The following C10orf90 variants were observed in gnomAD, a reference collection of about 807,000 sequenced individuals.
C10orf90 encodes (E2-independent) E3 ubiquitin-conjugating enzyme FATS.
C10orf90 carries 56 observed loss-of-function variants against 62.5 expected under a neutral mutation model. That is an observed-to-expected ratio of 0.90 (90% confidence interval 0.72 to 1.12). The LOEUF is 1.12. Ranked by LOEUF, C10orf90 falls within the 50% of genes most tolerant of loss-of-function variation. C10orf90 has a pLI of 0.00. For synonymous variants in C10orf90, 386 were observed against 340.4 expected (o/e 1.13, Z -1.47); for missense variants, 970 against 880.4 (o/e 1.10, Z -1.29).
intron 2 of C10orf90, among the ~76,000 whole-genome samples, chr10:126,574,537 C>T (rs1844572109): frequency 6.6e-6 from 1 of 151,752 alleles, no homozygotes; most frequent in African/African-American, 2.4e-5. Flanking sequence ...CAAATCAAAG[C>T]AAGTAATATG....
intron 2 of C10orf90, among the ~76,000 whole-genome samples, chr10:126,563,782 A>G (rs1425108814): frequency 6.6e-6 from 1 of 152,224 alleles, no homozygotes; most frequent in Non-Finnish European, 1.5e-5. Context: ...TGGCGGCGGC[A>G]GCTGATGGAC....
chr10:126,598,532 G>A (rs1004482953), intron 2 of C10orf90, among the ~76,000 whole-genome samples: 2 of 152,138 alleles, frequency 1.3e-5, no homozygotes, highest in African/African-American at 4.8e-5. Flanking sequence ...TATGATTTAA[G>A]CATCCATAAC....
At chr10:126,542,853 C>T (rs897645516) in intron 2 of C10orf90, among the ~76,000 whole-genome samples, 6 of 152,240 alleles carry the variant, frequency 3.9e-5, no homozygotes, top group Non-Finnish European at 8.8e-5. Context: ...ATACACATAC[C>T]TTGTGATTCA....
rs113842765 is a variant in C10orf90, at chr10:126,447,889, C to T, written c.2188+11151G>A. Among the ~76,000 whole-genome samples the T allele has an allele frequency of 2.5e-3, 385 of 151,878 alleles. 1 individual carries two copies. Among genetic ancestry groups the T allele is most frequent in the African/African-American group, 9.0e-3 (372 of 41,406 alleles). The stretch of plus-strand genomic sequence containing the variant: ...TTGAGACAGAGTCTTGCTCTGTTTC[C>T]GGGTTGGAGTGGAGTGCAGTGGTGC... On this transcript the variant is annotated intron_variant, in intron 7 of 9. Transcript: ENST00000488181.
rs539226716 is a variant in C10orf90 at position 126,605,235 on chromosome 10, T to C, written c.313+41330A>G. 2.6e-5 allele frequency among the ~76,000 whole-genome samples: 4 copies of C among 152,278 alleles called. No homozygotes were observed. The South Asian group carries it at 6.2e-4, about 24-fold the overall frequency. ...GACCGTAAATGCCCTCAGAGGGGCGTGTGCTTTGGTGCGCCAAGCCAAAGG... is the reference window on the plus strand; with the variant it reads ...GACCGTAAATGCCCTCAGAGGGGCGCGTGCTTTGGTGCGCCAAGCCAAAGG... On this transcript the variant is annotated intron_variant, in intron 2 of 9. Transcript: ENST00000488181.
At chr10:126,440,023 G>A (rs1227833975) in intron 7 of C10orf90, among the ~76,000 whole-genome samples, 1 of 152,206 alleles carries the variant, frequency 6.6e-6, no homozygotes, top group East Asian at 1.9e-4. Flanking sequence ...GCTGAACTTT[G>A]TAACAATTTG....
At chr10:126,663,274 G>T (rs1846554329) in intron 1 of C10orf90, among the ~76,000 whole-genome samples, 1 of 152,042 alleles carries the variant, frequency 6.6e-6, no homozygotes, top group Non-Finnish European at 1.5e-5. Context: ...TGGTGTAGTT[G>T]ACTTTCTCTG....
intron 2 of C10orf90, among the ~76,000 whole-genome samples, chr10:126,515,361 C>CA (rs1863382217): frequency 6.6e-6 from 1 of 152,200 alleles, no homozygotes; most frequent in Non-Finnish European, 1.5e-5. Context: ...TCCAGTCCGG[C>CA]AAGCTCCATT....
At chr10:126,640,634 G>T (rs1846041136) in intron 2 of C10orf90, among the ~76,000 whole-genome samples, 1 of 152,314 alleles carries the variant, frequency 6.6e-6, no homozygotes, top group African/African-American at 2.4e-5. Context: ...CCTGGGGTGG[G>T]GTGGGGCAGG....
intron 2 of C10orf90, among the ~76,000 whole-genome samples, chr10:126,645,783 G>A (rs544068030): frequency 9.2e-5 from 14 of 152,156 alleles, no homozygotes; most frequent in Admixed American, 2.6e-4. Context: ...CTATGTGTGC[G>A]TACATGTATA....
chr10:126,540,538 C>T (rs908237464), intron 2 of C10orf90, among the ~76,000 whole-genome samples: 3 of 151,984 alleles, frequency 2.0e-5, no homozygotes, highest in African/African-American at 4.8e-5. Flanking sequence ...ACGTGCCTAC[C>T]GTCCCAGCTA....
intron 2 of C10orf90, among the ~76,000 whole-genome samples, chr10:126,580,685 C>T (rs541445203): frequency 1.1e-4 from 16 of 148,844 alleles, no homozygotes; most frequent in African/African-American, 3.7e-4. Flanking sequence ...AGACAAGATG[C>T]TTATCCTCTC....
chr10:126,572,599 G>A (rs1844529486), intron 2 of C10orf90, among the ~76,000 whole-genome samples: 2 of 152,032 alleles, frequency 1.3e-5, no homozygotes, highest in Non-Finnish European at 2.9e-5. Context: ...GACAACCAGA[G>A]GTCACTCTCC....
intron 7 of C10orf90, among the ~76,000 whole-genome samples, chr10:126,455,870 T>C (rs1174803318): frequency 6.6e-6 from 1 of 152,190 alleles, no homozygotes; most frequent in Admixed American, 6.5e-5. Flanking sequence ...TACCATGAAG[T>C]ACAGCGGGTC....
At chr10:126,510,653 A>G (rs1863051535) in intron 3 of C10orf90, among the ~76,000 whole-genome samples, 1 of 152,108 alleles carries the variant, frequency 6.6e-6, no homozygotes, top group Non-Finnish European at 1.5e-5. Flanking sequence ...CACATAACAC[A>G]TTTTTTTACA....
intron 2 of C10orf90, among the ~76,000 whole-genome samples, chr10:126,612,707 C>T (rs1348828634): frequency 1.3e-5 from 2 of 152,180 alleles, no homozygotes; most frequent in African/African-American, 2.4e-5. Context: ...TTCCACTCCT[C>T]GGGGTTCAAC....
At chr10:126,556,441 T>C (rs1387074103) in intron 2 of C10orf90, among the ~76,000 whole-genome samples, 2 of 152,198 alleles carry the variant, frequency 1.3e-5, no homozygotes, top group Non-Finnish European at 2.9e-5. Flanking sequence ...ACTCATGAAG[T>C]GATCCTTGAA....
At chr10:126,625,424 T>G (rs894249818) in intron 2 of C10orf90, among the ~76,000 whole-genome samples, 31 of 152,176 alleles carry the variant, frequency 2.0e-4, no homozygotes, top group African/African-American at 2.4e-5. Flanking sequence ...CCACAGGACA[T>G]TTTTATAAAA....
intron 4 of C10orf90, among the ~76,000 whole-genome samples, chr10:126,473,805 T>C (rs898917891): frequency 1.3e-5 from 2 of 152,078 alleles, no homozygotes; most frequent in African/African-American, 4.8e-5. Context: ...GGCATGTTTG[T>C]TAAAACTTAG....
Sources: gnomAD v4.1 joint callset for allele counts (sites outside exome capture counted in the v4.1 genomes callset) on GRCh38, gnomAD v4.1.1 for gene constraint, MANE v1.5 for transcripts, NCBI Gene and HGNC (gene_info 2026-07-23, HGNC 2026-07-21) for gene names.